Variants in NF1 observed in about 807,000 individuals in gnomAD.
The protein encoded by NF1 is neurofibromin.
A neutral mutation model predicts 325.7 loss-of-function variants in NF1; 122 were observed. That is an observed-to-expected ratio of 0.37 (90% confidence interval 0.32 to 0.44). The LOEUF (loss-of-function observed/expected upper bound fraction) is 0.44. Among genes scored for constraint, NF1 ranks in the 20% least tolerant of loss-of-function variants. The pLI is 1.00. For missense variants in NF1, 2,140 were observed against 3,415.4 expected (o/e 0.63, Z 9.31); for synonymous variants, 1,091 against 1,186.0 (o/e 0.92, Z 1.65).
rs116454772 is a variant in NF1, at chr17:31,147,175, A to G, written c.61-8808A>G. ...AAGTAAACACACCAGTGTAACCAGT[A>G]TCCAGATCAAGAAATAAAACAATAC... On this transcript the variant is annotated intron_variant, in intron 1 of 57. Transcript: ENST00000358273. Among the ~76,000 whole-genome samples the G allele has an allele frequency of 4.5e-3, 679 of 152,358 alleles. 6 individuals carry two copies. The highest frequency in any genetic ancestry group is 0.016 in the African/African-American group (648 of 41,580).
At position 31,252,730 on chromosome 17, in the gene NF1, T is replaced by A. The variant is rs890379453; in HGVS notation, c.4111-208T>A. 7 of 562,276 alleles carry A rather than the reference T, an allele frequency of 1.2e-5. No individual in the cohort carries two copies. In the African/African-American group the frequency reaches 1.3e-4, roughly 11 times the overall value. 34.8% of individuals were successfully genotyped at this position (562,276 alleles called of 1,614,324 possible). On this transcript the variant is annotated intron_variant, in intron 30 of 57. Transcript: ENST00000358273. ...AGACATGATTGGGTCTCAACATTTCTTGCTGTTTTAGTGCTTGGCTTAAAA... is the reference window on the plus strand; with the variant it reads ...AGACATGATTGGGTCTCAACATTTCATGCTGTTTTAGTGCTTGGCTTAAAA...
intron 5 of NF1, 138 bp downstream of exon 5, chr17:31,170,135 AG>A: frequency 3.1e-6 from 2 of 641,592 alleles, no homozygotes; most frequent in Non-Finnish European, 5.5e-6. Flanking sequence ...TGAAATAACC[AG>A]TAATACAAAT....
At chr17:31,150,618 C>A (rs1916862583) in intron 1 of NF1, among the ~76,000 whole-genome samples, 1 of 152,124 alleles carries the variant, frequency 6.6e-6, no homozygotes, top group Non-Finnish European at 1.5e-5. Flanking sequence ...TATATGCTCT[C>A]ACCACCCTCC....
At chr17:31,287,564 G>GTGTGTGTA (rs1296046135) in intron 36 of NF1, among the ~76,000 whole-genome samples, 1 of 151,772 alleles carries the variant, frequency 6.6e-6, no homozygotes, top group African/African-American at 2.4e-5. Context: ...GTGTGTGTGT[G>GTGTGTGTA]TGTGTGTGTG....
chr17:31,127,621 G>A (rs1174158595), intron 1 of NF1, among the ~76,000 whole-genome samples: 2 of 150,012 alleles, frequency 1.3e-5, no homozygotes, highest in African/African-American at 2.5e-5. Context: ...TTAAAGAAAC[G>A]GGGTTTTGCT....
intron 1 of NF1, among the ~76,000 whole-genome samples, chr17:31,133,978 T>G (rs1198202031): frequency 6.6e-6 from 1 of 152,168 alleles, no homozygotes; most frequent in Non-Finnish European, 1.5e-5. Flanking sequence ...CTCTTTTTGA[T>G]AGTAGCCATC....
rs1357777239 is a variant in NF1 at position 31,375,668 on chromosome 17, TA to T, written c.*1514del. The T allele has an allele frequency of 2.1e-5, 5 of 232,816 alleles. No individual in the cohort carries two copies. The highest frequency in any genetic ancestry group is 1.3e-3 in the Middle Eastern group (1 of 800). 14.4% of individuals were successfully genotyped at this position (232,816 alleles called of 1,614,324 possible). A position where few individuals can be genotyped will look rare whatever the true frequency, so the allele number is the denominator to read the frequency against. ...ACCTAGGGGAGAGGGGAGTTTCCTGTAGTGCTGTTTCATTAGAGGATTTCAG... is the reference window on the plus strand; with the variant it reads ...ACCTAGGGGAGAGGGGAGTTTCCTGTGTGCTGTTTCATTAGAGGATTTCAG... On this transcript the variant is annotated 3_prime_UTR_variant, in exon 58 of 58. Coordinates refer to ENST00000358273, the MANE Select transcript of NF1 (RefSeq NM_001042492.3).
intron 51 of NF1, among the ~76,000 whole-genome samples, chr17:31,352,843 G>A (rs17882112): frequency 0.019 from 2,908 of 152,208 alleles, 106 homozygotes; most frequent in African/African-American, 0.066. Flanking sequence ...ACTATTTGCC[G>A]TGCTTTCTTT....
intron 31 of NF1, among the ~76,000 whole-genome samples, chr17:31,257,877 CACA>C (rs1349279533): frequency 1.3e-5 from 2 of 151,648 alleles, no homozygotes; most frequent in East Asian, 3.9e-4. Flanking sequence ...GTAACTGGTA[CACA>C]ACAAAATGTA....
Position 31,233,195 on chromosome 17 carries a change from G to A in NF1, c.3690G>A (p.Val1230=), listed in dbSNP as rs183296277. ...CTATAGCGATGGCTCTGGCCAATGTGGTTCCTTGTTCTCAGTGGGTAAGTG... is the reference window on the plus strand; with the variant it reads ...CTATAGCGATGGCTCTGGCCAATGTAGTTCCTTGTTCTCAGTGGGTAAGTG... ...ELPIAMALAN[V]VPCSQWDELA... is the part of the protein sequence containing the mutation. Residue 1230 remains valine, a synonymous_variant, in exon 27 of 58, where the codon GTG becomes GTA. Transcript: ENST00000358273. 9 of 1,614,148 alleles carry A rather than the reference G, an allele frequency of 5.6e-6. No individual in the cohort carries two copies. The highest frequency in any genetic ancestry group is 7.6e-6 in the Non-Finnish European group (9 of 1,180,028).
At chr17:31,346,814 T>G (rs2069998016) in intron 48 of NF1, among the ~76,000 whole-genome samples, 1 of 149,988 alleles carries the variant, frequency 6.7e-6, no homozygotes, top group African/African-American at 2.5e-5. Context: ...ATGAAAGAAT[T>G]TGGCTTTTTT....
chr17:31,263,127 G>T (rs1206113468), intron 35 of NF1, among the ~76,000 whole-genome samples: 1 of 122,774 alleles, frequency 8.1e-6, no homozygotes, highest in Non-Finnish European at 1.9e-5. Flanking sequence ...AGATAGATAA[G>T]ATAAGATAAG....
chr17:31,262,078 A>G (rs1051377709), intron 35 of NF1, among the ~76,000 whole-genome samples: 1 of 152,182 alleles, frequency 6.6e-6, no homozygotes, highest in Non-Finnish European at 1.5e-5. Flanking sequence ...ATCATATTTT[A>G]TCATCTTGCT....
intron 36 of NF1, chr17:31,318,383 A>T: frequency 6.2e-7 from 1 of 1,613,924 alleles, no homozygotes; most frequent in Non-Finnish European, 8.5e-7. Context: ...ACTCCAGTAG[A>T]TTGCATCACT....
At chr17:31,340,382 C>A in intron 46 of NF1, 123 bp from the exon 47 acceptor site, 1 of 1,260,886 alleles carries the variant, frequency 7.9e-7, no homozygotes, top group Non-Finnish European at 1.1e-6. Context: ...TCTTTATCTT[C>A]CCCAAAAGAG....
intron 1 of NF1, 193 bp downstream of exon 1, chr17:31,095,562 T>A: frequency 2.0e-6 from 1 of 512,028 alleles, no homozygotes; most frequent in Non-Finnish European, 3.4e-6. Context: ...AGGGGACAGC[T>A]GGGAGCTTGG....
chr17:31,114,547 TA>T (rs143972435), intron 1 of NF1, among the ~76,000 whole-genome samples: 131 of 101,746 alleles, frequency 1.3e-3, no homozygotes, highest in Admixed American at 1.5e-3. Flanking sequence ...CAAAAAAGAA[TA>T]AAAAAAAAAA....
intron 36 of NF1, among the ~76,000 whole-genome samples, chr17:31,288,624 C>T (rs1188439583): frequency 6.6e-6 from 1 of 151,130 alleles, no homozygotes; most frequent in Non-Finnish European, 1.5e-5. Context: ...GCAACCTCCG[C>T]CTCCCGGGTT....
At position 31,375,278 on chromosome 17, in the gene NF1, C is replaced by T. The variant is rs1163795595; in HGVS notation, c.*1123C>T. 1 of 227,756 alleles carries T rather than the reference C, an allele frequency of 4.4e-6. No homozygotes were observed. The highest frequency in any genetic ancestry group is 8.7e-6 in the Non-Finnish European group (1 of 114,358). 14.1% of individuals were successfully genotyped at this position (227,756 alleles called of 1,614,324 possible). A position where few individuals can be genotyped will look rare whatever the true frequency, so the allele number is the denominator to read the frequency against. ...ATTTTGAATGTCTTTTAATCTTCCT[C>T]CTCCTCTCCAAAAAAATCAGAAACC... On this transcript the variant is annotated 3_prime_UTR_variant, in exon 58 of 58. Coordinates refer to ENST00000358273, the MANE Select transcript of NF1 (RefSeq NM_001042492.3).
Sources: gnomAD v4.1 joint callset for allele counts (sites outside exome capture counted in the v4.1 genomes callset) on GRCh38, gnomAD v4.1.1 for gene constraint, MANE v1.5 for transcripts, NCBI Gene and HGNC (gene_info 2026-07-23, HGNC 2026-07-21) for gene names.